PIK3CB: variants seen among roughly 807,000 people sequenced by gnomAD.
PIK3CB encodes phosphatidylinositol 4,5-bisphosphate 3-kinase catalytic subunit beta isoform.
A neutral mutation model predicts 136.8 loss-of-function variants in PIK3CB; 39 were observed. The ratio of observed to expected loss-of-function variants is 0.29; its 90% CI spans 0.22 to 0.37. PIK3CB has a LOEUF of 0.37. PIK3CB is among the 10% of genes least tolerant of loss of function. The pLI is 1.00. For synonymous variants in PIK3CB, 428 were observed against 436.6 expected (o/e 0.98, Z 0.25); for missense variants, 868 against 1,275.4 (o/e 0.68, Z 4.87).
chr3:138,785,369 C>G (rs566439858), intron 2 of PIK3CB, among the ~76,000 whole-genome samples: 6 of 151,994 alleles, frequency 3.9e-5, no homozygotes, highest in Non-Finnish European at 7.4e-5. Context: ...GCAGTTTTGT[C>G]GAATAGAAAA....
chr3:138,748,751 A>G (rs928735845), intron 4 of PIK3CB, among the ~76,000 whole-genome samples: 1 of 152,246 alleles, frequency 6.6e-6, no homozygotes, highest in African/African-American at 2.4e-5. Context: ...CAAAAGGAAG[A>G]ATACAGAATA....
chr3:138,695,168 T>C, intron 13 of PIK3CB, among the ~76,000 whole-genome samples: 1 of 152,214 alleles, frequency 6.6e-6, no homozygotes, highest in Middle Eastern at 3.2e-3. Context: ...AAATGTTGAA[T>C]TTGTAGCCTT....
chr3:138,809,013 C>T (rs1170414855), intron 1 of PIK3CB, among the ~76,000 whole-genome samples: 4 of 151,876 alleles, frequency 2.6e-5, no homozygotes, highest in South Asian at 2.1e-4. Context: ...TGGCCGGGCA[C>T]GGTGGCTCAT....
chr3:138,705,618 T>A (rs2044363944), intron 11 of PIK3CB, among the ~76,000 whole-genome samples: 1 of 152,236 alleles, frequency 6.6e-6, no homozygotes, highest in Non-Finnish European at 1.5e-5. Flanking sequence ...GTGAATTACA[T>A]AAATTTAATT....
chr3:138,671,609 C>T (rs1165291776), intron 19 of PIK3CB, among the ~76,000 whole-genome samples: 5 of 152,238 alleles, frequency 3.3e-5, no homozygotes, highest in African/African-American at 1.2e-4. Flanking sequence ...AAAACAGTCA[C>T]GGACTTAGGC....
intron 5 of PIK3CB, among the ~76,000 whole-genome samples, chr3:138,739,840 G>A (rs2108661256): frequency 6.6e-6 from 1 of 151,252 alleles, no homozygotes; most frequent in East Asian, 2.0e-4. Flanking sequence ...GTTGGAAGTT[G>A]CAGTGAGCCG....
intron 1 of PIK3CB, among the ~76,000 whole-genome samples, chr3:138,828,353 T>G (rs866417562): frequency 5.9e-5 from 9 of 151,504 alleles, no homozygotes; most frequent in Admixed American, 1.3e-4. Flanking sequence ...GCCCGGCTAA[T>G]TTTTTGTATT....
rs528728755 is a variant in PIK3CB at position 138,739,649 on chromosome 3, C to A, written c.622-1763G>T. ...GGTGCAGTGGATCACACCTATAATCCCAGCATCTTGGGAGGCCGAGGCGGG... is the reference window on the plus strand; with the variant it reads ...GGTGCAGTGGATCACACCTATAATCACAGCATCTTGGGAGGCCGAGGCGGG... On this transcript the variant is annotated intron_variant, in intron 5 of 23. Coordinates refer to ENST00000674063, the MANE Select transcript of PIK3CB (RefSeq NM_006219.3). Among the ~76,000 whole-genome samples, 7 of 151,276 alleles carry A rather than the reference C, an allele frequency of 4.6e-5. No homozygotes were observed. The South Asian group carries it at 1.5e-3, about 32-fold the overall frequency.
At chr3:138,798,369 T>G (rs1256219981) in intron 1 of PIK3CB, among the ~76,000 whole-genome samples, 1 of 152,176 alleles carries the variant, frequency 6.6e-6, no homozygotes, top group Non-Finnish European at 1.5e-5. Context: ...TTCACCATGT[T>G]GGTCAGGCTG....
intron 4 of PIK3CB, among the ~76,000 whole-genome samples, chr3:138,750,300 A>G (rs769870541): frequency 3.3e-5 from 5 of 152,074 alleles, no homozygotes; most frequent in Admixed American, 6.5e-5. Flanking sequence ...TCTCTCATAA[A>G]TATTTTGAAA....
intron 1 of PIK3CB, among the ~76,000 whole-genome samples, chr3:138,822,455 G>A (rs1576433237): frequency 6.6e-6 from 1 of 151,936 alleles, no homozygotes; most frequent in Non-Finnish European, 1.5e-5. Context: ...GCTGAGGCAG[G>A]AGAACAGCTG....
At chr3:138,708,255 TTC>T (rs1290721636) in intron 10 of PIK3CB, among the ~76,000 whole-genome samples, 10 of 140,170 alleles carry the variant, frequency 7.1e-5, no homozygotes, top group South Asian at 2.3e-4. Context: ...ACTCAATTTT[TTC>T]TTTTTCTTTT....
chr3:138,697,354 G>A (rs2044159230), intron 13 of PIK3CB, among the ~76,000 whole-genome samples: 1 of 152,008 alleles, frequency 6.6e-6, no homozygotes, highest in Non-Finnish European at 1.5e-5. Flanking sequence ...AGTCTAATTT[G>A]GTCTAAGGTG....
chr3:138,724,798 A>C (rs2044802897), intron 8 of PIK3CB, among the ~76,000 whole-genome samples: 1 of 152,224 alleles, frequency 6.6e-6, no homozygotes, highest in African/African-American at 2.4e-5. Flanking sequence ...CTGTGCCAAA[A>C]GCCACGGCGG....
At chr3:138,784,410 C>T (rs1191928455) in intron 2 of PIK3CB, among the ~76,000 whole-genome samples, 1 of 151,944 alleles carries the variant, frequency 6.6e-6, no homozygotes, top group Non-Finnish European at 1.5e-5. Context: ...CTCCCTCTCC[C>T]TCCCCCTCCC....
At chr3:138,832,662 A>G (rs778219028) in intron 1 of PIK3CB, among the ~76,000 whole-genome samples, 5 of 151,944 alleles carry the variant, frequency 3.3e-5, no homozygotes, top group Non-Finnish European at 5.9e-5. Flanking sequence ...CCCCGTCTCT[A>G]CCAAAAAAAG....
intron 12 of PIK3CB, among the ~76,000 whole-genome samples, chr3:138,701,957 T>C (rs942188361): frequency 6.6e-6 from 1 of 150,736 alleles, no homozygotes; most frequent in East Asian, 1.9e-4. Flanking sequence ...GTTTTATATA[T>C]GTATATATAG....
chr3:138,745,500 G>T (rs2045335852), intron 4 of PIK3CB, among the ~76,000 whole-genome samples: 1 of 152,142 alleles, frequency 6.6e-6, no homozygotes, highest in Admixed American at 6.5e-5. Context: ...AGACATGGTG[G>T]TGTGTGCCTG....
intron 19 of PIK3CB, among the ~76,000 whole-genome samples, chr3:138,679,990 C>T (rs1412507739): frequency 7.4e-6 from 1 of 135,820 alleles, no homozygotes; most frequent in Admixed American, 7.2e-5. Flanking sequence ...AAAAAATCAA[C>T]AAAATTAGAA....
Sources: allele counts gnomAD v4.1 joint callset (sites outside exome capture counted in the v4.1 genomes callset), GRCh38; gene constraint gnomAD v4.1.1; transcripts MANE v1.5; gene names NCBI Gene and HGNC (gene_info 2026-07-23, HGNC 2026-07-21).